Variants in CNTNAP5 observed in about 807,000 individuals in gnomAD.
CNTNAP5 encodes the protein contactin-associated protein-like 5.
CNTNAP5 carries 72 observed loss-of-function variants against 150.2 expected under a neutral mutation model. That is an observed-to-expected ratio of 0.48 (90% CI 0.40 to 0.58). The LOEUF (loss-of-function observed/expected upper bound fraction) is 0.58. CNTNAP5 is among the 20% of genes least tolerant of loss of function. The probability of loss-of-function intolerance (pLI) is 0.00; values close to 1 mark genes in which losing one functional copy is unlikely to be tolerated. For synonymous variants in CNTNAP5, 672 were observed against 619.8 expected (o/e 1.08, Z -1.25); for missense variants, 1,636 against 1,626.2 (o/e 1.01, Z -0.10).
chr2:124,139,932 G>A (rs1243522439), intron 1 of CNTNAP5, among the ~76,000 whole-genome samples: 5 of 152,132 alleles, frequency 3.3e-5, no homozygotes, highest in African/African-American at 1.2e-4. Flanking sequence ...GTGTGTGCGC[G>A]CACCGTGCAC....
intron 3 of CNTNAP5, among the ~76,000 whole-genome samples, chr2:124,361,078 C>T (rs1245901834): frequency 2.1e-5 from 3 of 140,644 alleles, no homozygotes; most frequent in Admixed American, 7.2e-5. Flanking sequence ...ATTGCTGATA[C>T]CCTTTCTTCC....
intron 3 of CNTNAP5, among the ~76,000 whole-genome samples, chr2:124,341,736 G>C (rs1007686265): frequency 2.0e-4 from 30 of 152,102 alleles, no homozygotes; most frequent in Admixed American, 1.5e-3. Flanking sequence ...TTCTAGATTT[G>C]AGTATGAAGC....
intron 3 of CNTNAP5, among the ~76,000 whole-genome samples, chr2:124,406,004 C>T (rs1691561037): frequency 6.6e-6 from 1 of 152,210 alleles, no homozygotes; most frequent in Admixed American, 6.5e-5. Flanking sequence ...TCTGCTTTAA[C>T]TGTGTCCCAC....
intron 13 of CNTNAP5, among the ~76,000 whole-genome samples, chr2:124,668,987 C>A (rs956583925): frequency 1.3e-5 from 2 of 152,204 alleles, no homozygotes; most frequent in Admixed American, 6.5e-5. Flanking sequence ...CTTCTTCCTG[C>A]AGTCCTATTG....
intron 7 of CNTNAP5, among the ~76,000 whole-genome samples, chr2:124,498,131 A>G (rs998509533): frequency 6.6e-6 from 1 of 152,174 alleles, no homozygotes; most frequent in Non-Finnish European, 1.5e-5. Context: ...CCATCAGCAT[A>G]TGGCACACTT....
At chr2:124,503,570 A>C (rs1694326293) in intron 7 of CNTNAP5, among the ~76,000 whole-genome samples, 1 of 152,184 alleles carries the variant, frequency 6.6e-6, no homozygotes, top group Non-Finnish European at 1.5e-5. Flanking sequence ...TATTGAAAAT[A>C]CTTTTACTAA....
intron 3 of CNTNAP5, among the ~76,000 whole-genome samples, chr2:124,414,995 A>T (rs1691880953): frequency 6.6e-6 from 1 of 152,112 alleles, no homozygotes; most frequent in African/African-American, 2.4e-5. Flanking sequence ...ACCAGAACCC[A>T]TCTCCCTTCC....
chr2:124,444,188 C>T (rs916417076), intron 5 of CNTNAP5, among the ~76,000 whole-genome samples: 1 of 152,058 alleles, frequency 6.6e-6, no homozygotes, highest in Non-Finnish European at 1.5e-5. Context: ...TCTTCCTGTA[C>T]TCTTCTTGCC....
At chr2:124,436,280 A>G (rs1260169243) in intron 5 of CNTNAP5, among the ~76,000 whole-genome samples, 4 of 152,228 alleles carry the variant, frequency 2.6e-5, no homozygotes, top group African/African-American at 9.6e-5. Context: ...ACTCTGCTCC[A>G]ACATACAAAA....
intron 1 of CNTNAP5, among the ~76,000 whole-genome samples, chr2:124,184,856 T>C (rs1298702579): frequency 2.0e-5 from 3 of 152,176 alleles, no homozygotes; most frequent in Non-Finnish European, 4.4e-5. Context: ...GGGAAGAAGA[T>C]GGCATGTGTG....
At chr2:124,618,270 A>G (rs1677531543) in intron 12 of CNTNAP5, among the ~76,000 whole-genome samples, 1 of 152,152 alleles carries the variant, frequency 6.6e-6, no homozygotes, top group South Asian at 2.1e-4. Context: ...AAAATTAAAA[A>G]AAAAGATGAG....
intron 21 of CNTNAP5, among the ~76,000 whole-genome samples, chr2:124,900,182 C>A (rs1215775202): frequency 1.3e-5 from 2 of 151,352 alleles, no homozygotes; most frequent in Non-Finnish European, 2.9e-5. Flanking sequence ...AGAAATAATT[C>A]TTCGACAACA....
intron 12 of CNTNAP5, among the ~76,000 whole-genome samples, chr2:124,629,950 A>AC (rs1220641918): frequency 2.0e-5 from 3 of 150,476 alleles, no homozygotes; most frequent in Non-Finnish European, 3.0e-5. Context: ...AAAAAAAAAA[A>AC]AAAAACTGGA....
intron 19 of CNTNAP5, among the ~76,000 whole-genome samples, chr2:124,826,603 C>T (rs976852355): frequency 6.6e-6 from 1 of 152,114 alleles, no homozygotes; most frequent in Admixed American, 6.6e-5. Flanking sequence ...AGGAGCTTCA[C>T]TTGTGGACTC....
chr2:124,670,182 TC>T (rs1678789744), intron 13 of CNTNAP5, among the ~76,000 whole-genome samples: 1 of 144,434 alleles, frequency 6.9e-6, no homozygotes, highest in Non-Finnish European at 1.5e-5. Flanking sequence ...CCTTCCTCCC[TC>T]TCTTTCTCTT....
At chr2:124,556,915 T>A (rs556591015) in intron 10 of CNTNAP5, among the ~76,000 whole-genome samples, 17 of 152,014 alleles carry the variant, frequency 1.1e-4, no homozygotes, top group Admixed American at 2.6e-4. Context: ...GATGGGTAAA[T>A]TGAATTTTTC....
At chr2:124,510,514 T>TACACACAC (rs1198451222) in intron 8 of CNTNAP5, among the ~76,000 whole-genome samples, 4 of 123,684 alleles carry the variant, frequency 3.2e-5, no homozygotes, top group South Asian at 2.6e-4. Flanking sequence ...TATATATATA[T>TACACACAC]ATATACATAT....
chr2:124,129,846 G>A (rs1683804450), intron 1 of CNTNAP5, among the ~76,000 whole-genome samples: 1 of 152,142 alleles, frequency 6.6e-6, no homozygotes, highest in Non-Finnish European at 1.5e-5. Context: ...TTGGAGGGAA[G>A]GGTGCCTTCA....
At chr2:124,742,508 T>G (rs1680516533) in intron 13 of CNTNAP5, among the ~76,000 whole-genome samples, 1 of 152,064 alleles carries the variant, frequency 6.6e-6, no homozygotes, top group Non-Finnish European at 1.5e-5. Flanking sequence ...AGTATTATTA[T>G]TGTGTGGCAG....
Sources: allele counts gnomAD v4.1 joint callset (sites outside exome capture counted in the v4.1 genomes callset), GRCh38; gene constraint gnomAD v4.1.1; transcripts MANE v1.5; gene names NCBI Gene and HGNC (gene_info 2026-07-23, HGNC 2026-07-21).